KCNMA1: variants seen among roughly 807,000 people sequenced by gnomAD.
KCNMA1 encodes the protein potassium calcium-activated channel subfamily M alpha 1.
KCNMA1 carries 29 observed loss-of-function variants against 140.0 expected under a neutral mutation model. The observed-to-expected ratio is 0.21, with a 90% CI of 0.15 to 0.28. The LOEUF (loss-of-function observed/expected upper bound fraction) is 0.28. Ranked by LOEUF, KCNMA1 falls within the 10% of genes least tolerant of loss-of-function variation. The pLI is 1.00. For synonymous variants in KCNMA1, 612 were observed against 611.9 expected (o/e 1.00, Z 0.00); for missense variants, 880 against 1,602.2 (o/e 0.55, Z 7.70).
intron 1 of KCNMA1, among the ~76,000 whole-genome samples, chr10:77,436,957 T>TACACACACACACAC (rs10536103): frequency 2.0e-4 from 27 of 134,844 alleles, no homozygotes; most frequent in African/African-American, 7.6e-4. Flanking sequence ...CTTCTTTCTT[T>TACACACACACACAC]ACACACACAC....
At chr10:77,142,337 C>G (rs1310082154) in intron 5 of KCNMA1, among the ~76,000 whole-genome samples, 2 of 147,424 alleles carry the variant, frequency 1.4e-5, no homozygotes, top group African/African-American at 2.5e-5. Flanking sequence ...TGCCACTGCA[C>G]TCCAGCCTGG....
rs564186209 is a variant in KCNMA1, at chr10:76,983,914, G to C, written c.2267-13847C>G. ...CAGACCATAAAAAAAACAGTAAAAAGATATAGCTGTGTCTTTTTTAAAAAA... is the reference window on the plus strand; with the variant it reads ...CAGACCATAAAAAAAACAGTAAAAACATATAGCTGTGTCTTTTTTAAAAAA... On this transcript the variant is annotated intron_variant, in intron 19 of 27. Transcript: ENST00000286628. Among the ~76,000 whole-genome samples, 3 of 152,176 alleles carry C rather than the reference G, an allele frequency of 2.0e-5. No individual in the cohort carries two copies. In the East Asian group the frequency reaches 5.8e-4, roughly 29 times the overall value.
At chr10:77,204,692 A>G (rs547546096) in intron 3 of KCNMA1, among the ~76,000 whole-genome samples, 146 of 152,236 alleles carry the variant, frequency 9.6e-4, no homozygotes, top group African/African-American at 3.4e-3. Context: ...TTTGGTGCCT[A>G]TTGTCCTAGA....
intron 10 of KCNMA1, among the ~76,000 whole-genome samples, chr10:77,087,733 T>A (rs2096725697): frequency 1.3e-5 from 2 of 152,196 alleles, no homozygotes; most frequent in African/African-American, 2.4e-5. Flanking sequence ...TCTGCAGAGA[T>A]GAAAAAGACT....
intron 1 of KCNMA1, chr10:77,587,883 A>G (rs2077740415): frequency 1.6e-5 from 16 of 985,244 alleles, no homozygotes; most frequent in Non-Finnish European, 1.9e-5. Flanking sequence ...TGAAAAGAAA[A>G]TAAGGCCCAG....
At chr10:76,907,855 T>C (rs1180481114) in intron 25 of KCNMA1, among the ~76,000 whole-genome samples, 1 of 152,218 alleles carries the variant, frequency 6.6e-6, no homozygotes, top group Non-Finnish European at 1.5e-5. Flanking sequence ...TCTCTTTTGT[T>C]TTAATACTCT....
chr10:76,991,868 T>C (rs578246464), intron 19 of KCNMA1, among the ~76,000 whole-genome samples: 2 of 152,106 alleles, frequency 1.3e-5, no homozygotes, highest in Non-Finnish European at 2.9e-5. Context: ...AGCAGTCAGC[T>C]CCCTTCCCAG....
In KCNMA1 at chr10:77,629,377, T is replaced by C. The variant is rs11002225; in HGVS notation, c.378+7888A>G. 1.3e-3 allele frequency among the ~76,000 whole-genome samples: 196 copies of C among 152,292 alleles called. 4 individuals are homozygous for C. In the East Asian group the frequency reaches 0.032, roughly 25 times the overall value. On this transcript the variant is annotated intron_variant, in intron 1 of 27. Coordinates refer to ENST00000286628, the MANE Select transcript of KCNMA1 (RefSeq NM_001161352.2). ...AAGAGAAACCAGGTGGCATGAATAA[T>C]TAAAATCCACGAATGATTCAAGCAC... is the stretch of plus-strand genomic sequence containing the variant.
chr10:77,100,097 G>T (rs564818664), intron 9 of KCNMA1, among the ~76,000 whole-genome samples: 66 of 152,324 alleles, frequency 4.3e-4, no homozygotes, highest in African/African-American at 1.5e-3. Flanking sequence ...TCAAGCTTCT[G>T]TTTCACTGCC....
intron 1 of KCNMA1, among the ~76,000 whole-genome samples, chr10:77,612,994 G>A (rs2087587370): frequency 6.6e-6 from 1 of 152,044 alleles, no homozygotes; most frequent in African/African-American, 2.4e-5. Flanking sequence ...ATTACAAATG[G>A]TATGGAACTA....
chr10:77,613,835 G>C (rs1054651440), intron 1 of KCNMA1, among the ~76,000 whole-genome samples: 1 of 152,080 alleles, frequency 6.6e-6, no homozygotes, highest in African/African-American at 2.4e-5. Context: ...GGGTAGAGAA[G>C]AAAAAAATGA....
At chr10:76,893,170 C>T (rs2040937952) in intron 25 of KCNMA1, among the ~76,000 whole-genome samples, 3 of 152,058 alleles carry the variant, frequency 2.0e-5, no homozygotes, top group Admixed American at 1.3e-4. Flanking sequence ...TTTGTGCCTC[C>T]GTTTCATGAT....
chr10:76,927,471 A>G (rs2058051391), intron 23 of KCNMA1, among the ~76,000 whole-genome samples: 1 of 152,216 alleles, frequency 6.6e-6, no homozygotes, highest in Admixed American at 6.5e-5. Flanking sequence ...CATAATCAAG[A>G]TGCTATCTCG....
At position 77,061,889 on chromosome 10, in the gene KCNMA1, A is replaced by T. The variant is rs182334983; in HGVS notation, c.1749+11208T>A. ...ATGTCAAGGGAACTATGCTAAATGAAAAAAGCCAATCTCAAAAGGTTACAT... is the reference window on the plus strand; with the variant it reads ...ATGTCAAGGGAACTATGCTAAATGATAAAAGCCAATCTCAAAAGGTTACAT... On this transcript the variant is annotated intron_variant, in intron 14 of 27. Coordinates refer to ENST00000286628, the MANE Select transcript of KCNMA1 (RefSeq NM_001161352.2). 5.3e-5 allele frequency among the ~76,000 whole-genome samples: 8 copies of T among 152,350 alleles called. No individual in the cohort carries two copies. The East Asian group carries it at 1.5e-3, about 29-fold the overall frequency.
At chr10:77,445,367 C>G (rs3997980) in intron 1 of KCNMA1, among the ~76,000 whole-genome samples, 5,055 of 78,466 alleles carry the variant, frequency 0.064, 121 homozygotes, top group African/African-American at 0.21. Flanking sequence ...CATACACAGA[C>G]ACACACACAC....
intron 2 of KCNMA1, among the ~76,000 whole-genome samples, chr10:77,380,891 T>C (rs2095359597): frequency 6.6e-6 from 1 of 152,224 alleles, no homozygotes; most frequent in Admixed American, 6.5e-5. Flanking sequence ...TGAAATGACT[T>C]TTCCATTTCC....
chr10:77,035,602 C>T (rs2094270986), intron 15 of KCNMA1, among the ~76,000 whole-genome samples: 2 of 152,160 alleles, frequency 1.3e-5, no homozygotes, highest in South Asian at 4.1e-4. Context: ...GAAGTGGCAC[C>T]AAGCTTGGCA....
chr10:76,985,064 A>G (rs1052666744), intron 19 of KCNMA1, among the ~76,000 whole-genome samples: 1 of 152,220 alleles, frequency 6.6e-6, no homozygotes, highest in African/African-American at 2.4e-5. Context: ...CTTGCAATCT[A>G]TGCATAAATA....
intron 14 of KCNMA1, chr10:77,064,177 T>G: frequency 1.1e-6 from 1 of 947,046 alleles, no homozygotes; most frequent in Non-Finnish European, 1.3e-6. Flanking sequence ...TAGATGAAAA[T>G]ATAACATTTT....
Sources: gnomAD v4.1 joint callset for allele counts (sites outside exome capture counted in the v4.1 genomes callset) on GRCh38, gnomAD v4.1.1 for gene constraint, MANE v1.5 for transcripts, NCBI Gene and HGNC (gene_info 2026-07-23, HGNC 2026-07-21) for gene names.